The following TEX2 variants were observed in gnomAD, a reference collection of about 807,000 sequenced individuals.
The protein encoded by TEX2 is testis-expressed protein 2.
Under a neutral mutation model 106.9 loss-of-function variants are expected in TEX2, and 53 were observed. That is an observed-to-expected ratio of 0.50 (90% CI 0.40 to 0.62). The LOEUF (loss-of-function observed/expected upper bound fraction) is 0.62, where lower values mean the gene tolerates loss of function less well. Ranked by LOEUF, TEX2 falls within the 20% of genes least tolerant of loss-of-function variation. TEX2 has a pLI of 0.00. For synonymous variants in TEX2, 523 were observed against 534.8 expected, an observed-to-expected ratio of 0.98 and a Z score of 0.30; for missense variants, 1,207 against 1,379.0, an observed-to-expected ratio of 0.88 and a Z score of 1.98.
chr17:64,236,382 G>A (rs1555635134), intron 1 of TEX2, among the ~76,000 whole-genome samples: 2 of 152,066 alleles, frequency 1.3e-5, no homozygotes, highest in Admixed American at 6.6e-5. Flanking sequence ...TGAGCAACAC[G>A]GTGAGACCCC....
intron 2 of TEX2, among the ~76,000 whole-genome samples, chr17:64,211,836 C>T (rs1259030819): frequency 6.6e-6 from 1 of 151,940 alleles, no homozygotes; most frequent in Non-Finnish European, 1.5e-5. Flanking sequence ...TTTTAATATG[C>T]AAAAAAATAA....
At chr17:64,212,535 G>A (rs781862707) in intron 2 of TEX2, 39 bp downstream of exon 2, 38 of 1,521,730 alleles carry the variant, frequency 2.5e-5, no homozygotes, top group Non-Finnish European at 3.4e-5. Flanking sequence ...CTGTATGTGA[G>A]AAGTGTGTGT....
At chr17:64,202,217 T>C (rs900482813) in intron 2 of TEX2, among the ~76,000 whole-genome samples, 22 of 152,332 alleles carry the variant, frequency 1.4e-4, no homozygotes, top group African/African-American at 5.3e-4. Context: ...AGCCCATGTT[T>C]CCTGCCCCCT....
At position 64,212,879 on chromosome 17, in the gene TEX2, C is replaced by G. The variant is rs2033051008; in HGVS notation, c.1339G>C (p.Glu447Gln). 6.2e-7 allele frequency: 1 copy of G among 1,614,068 alleles called. No individual in the cohort carries two copies. Among genetic ancestry groups the G allele is most frequent in the Admixed American group, 1.7e-5 (1 of 60,002 alleles). ...ACCACACCATCTTCCGCGAGCACCT[C>G]TGGCTTGAGAGGAATATCTGAGAGC... ...DKLSDIPLKPEVLAEDGVVLD... is the reference protein window; with the variant it reads ...DKLSDIPLKPQVLAEDGVVLD... Residue 447 changes from glutamate (E) to glutamine (Q), a missense_variant, in exon 2 of 12, where the codon GAG (glutamate) becomes CAG (glutamine). By Grantham distance (29) the Glu-to-Gln change is conservative. Around this residue, in one of 3 missense-constraint regions of TEX2, gnomAD observed 1,067 missense variants for 1,193.6 expected, o/e 0.89. Transcript: ENST00000584379.
rs1024184836 is a variant in TEX2 at position 64,185,216 on chromosome 17, T to C, written c.2424+2952A>G. Among the ~76,000 whole-genome samples the C allele has an allele frequency of 6.6e-6, 1 of 152,198 alleles. No homozygotes were observed. The highest frequency in any genetic ancestry group is 1.5e-5 in the Non-Finnish European group (1 of 68,036). On this transcript the variant is annotated intron_variant, in intron 5 of 11. Coordinates refer to ENST00000584379, the MANE Select transcript of TEX2 (RefSeq NM_001288732.2). The surrounding 1 kb of genome is among the most constrained non-coding windows in gnomAD (Gnocchi z 4.0). Reference sequence around the variant, plus strand: ...CATATGTTAATATTATCTCTAACATTTTTTAAAACTGTCTGTTGAAATGGA... The same window carrying C: ...CATATGTTAATATTATCTCTAACATCTTTTAAAACTGTCTGTTGAAATGGA...
intron 1 of TEX2, among the ~76,000 whole-genome samples, chr17:64,260,618 C>T (rs2034272793): frequency 6.6e-6 from 1 of 152,224 alleles, no homozygotes; most frequent in South Asian, 2.1e-4. Flanking sequence ...CATTAGAGGG[C>T]TGCTCTAGGA....
chr17:64,243,031 C>T (rs1216911361), intron 1 of TEX2, among the ~76,000 whole-genome samples: 1 of 151,842 alleles, frequency 6.6e-6, no homozygotes, highest in Non-Finnish European at 1.5e-5. Context: ...CAGGTTCAAG[C>T]GATTCTTCTG....
At chr17:64,172,889 T>A (rs1327730784) in intron 6 of TEX2, among the ~76,000 whole-genome samples, 1 of 152,360 alleles carries the variant, frequency 6.6e-6, no homozygotes, top group East Asian at 1.9e-4. Context: ...ACTGGCATCA[T>A]GTTTAAAAAT....
At chr17:64,184,938 CA>C (rs2032020229) in intron 5 of TEX2, among the ~76,000 whole-genome samples, 1 of 152,090 alleles carries the variant, frequency 6.6e-6, no homozygotes, top group Non-Finnish European at 1.5e-5. Context: ...TAACTTAGTG[CA>C]ACAAAAACAT....
intron 1 of TEX2, among the ~76,000 whole-genome samples, chr17:64,219,507 T>TA (rs1567951413): frequency 2.9e-5 from 4 of 135,652 alleles, no homozygotes; most frequent in African/African-American, 1.1e-4. Context: ...CTCCATCTCA[T>TA]CAAATAAAAT....
At position 64,153,290 on chromosome 17, in the gene TEX2, G is replaced by T; in HGVS notation, c.2931-136C>A. 1.5e-6 allele frequency: 1 copy of T among 663,340 alleles called. No individual in the cohort carries two copies. The allele number at this position is 663,340 out of a possible 1,614,324, so 41.1% of individuals were successfully genotyped here. A position where few individuals can be genotyped will look rare whatever the true frequency, so the allele number is the denominator to read the frequency against. On this transcript the variant is annotated intron_variant, in intron 9 of 11. Coordinates refer to ENST00000584379, the MANE Select transcript of TEX2 (RefSeq NM_001288732.2). This position sits in a 1 kb window ranked among gnomAD's most constrained non-coding sequence, Gnocchi z 4.1. ...TGTGGTGATTCTGTGTTGGGGCGGG[G>T]GGCATCCTGTGCATTGCAGGGTGTT... is the stretch of plus-strand genomic sequence containing the variant.
chr17:64,161,969 C>T (rs187794113), intron 7 of TEX2, among the ~76,000 whole-genome samples: 24 of 152,290 alleles, frequency 1.6e-4, no homozygotes, highest in Non-Finnish European at 2.6e-4. Flanking sequence ...ATCCCCTACA[C>T]GGCCACCACC....
intron 5 of TEX2, among the ~76,000 whole-genome samples, chr17:64,181,565 T>G (rs900297444): frequency 6.6e-6 from 1 of 151,240 alleles, no homozygotes; most frequent in Non-Finnish European, 1.5e-5. Context: ...TCGCCCAGGC[T>G]GGAGTGCAGT....
At chr17:64,156,039 G>C (rs1389658099) in intron 8 of TEX2, 13 of 152,338 alleles carry the variant, frequency 8.5e-5, no homozygotes, top group Admixed American at 8.5e-4. Context: ...ATGGACAAGG[G>C]AAGGCAGTGG....
chr17:64,163,129 C>G (rs960176032), intron 7 of TEX2, among the ~76,000 whole-genome samples: 1 of 152,008 alleles, frequency 6.6e-6, no homozygotes, highest in African/African-American at 2.4e-5. Context: ...GCTTTAAGAA[C>G]TTTTTTCTTC....
At position 64,213,440 on chromosome 17, in the gene TEX2, A is replaced by C; in HGVS notation, c.778T>G (p.Ser260Ala). The C allele has an allele frequency of 6.2e-7, 1 of 1,614,094 alleles. No individual in the cohort carries two copies. Among genetic ancestry groups the C allele is most frequent in the Non-Finnish European group, 8.5e-7 (1 of 1,180,028 alleles). ...AGTGGGGAAGAAGGTGCAGTTTTGG[A>C]ATCTCCACCTGTGTTTCGGGGCTGT... ...FTQPRNTGGD[S>A]KTAPSSPLTS... The change falls in exon 2 of 12, where the codon TCC (serine) becomes GCC (alanine). Residue 260 changes from serine (S) to alanine (A), a missense_variant. This residue lies in a region of TEX2 where 1,067 missense variants were observed against 1,193.6 expected (regional missense o/e 0.89). Transcript: ENST00000584379. The surrounding 1 kb of genome is among the most constrained non-coding windows in gnomAD (Gnocchi z 4.4).
rs900809257 is a variant in TEX2 at position 64,148,906 on chromosome 17, G to A, written c.*63C>T. 5 of 1,604,098 alleles carry A rather than the reference G, an allele frequency of 3.1e-6. No individual in the cohort carries two copies. The highest frequency in any genetic ancestry group is 2.0e-4 in the Middle Eastern group (1 of 5,062). On this transcript the variant is annotated 3_prime_UTR_variant, in exon 12 of 12. Transcript: ENST00000584379. ...AGAGGCCAGTGCTACAGTACAGATG[G>A]CGGCCAAGAACCCCACACATCCAGC...
chr17:64,198,460 A>G (rs1567935429), intron 2 of TEX2, among the ~76,000 whole-genome samples: 1 of 151,808 alleles, frequency 6.6e-6, no homozygotes, highest in Non-Finnish European at 1.5e-5. Flanking sequence ...GGCGGGGGGA[A>G]GTTGGAGCTG....
At chr17:64,190,184 T>C (rs2032242709) in intron 4 of TEX2, among the ~76,000 whole-genome samples, 1 of 152,188 alleles carries the variant, frequency 6.6e-6, no homozygotes, top group South Asian at 2.1e-4. Flanking sequence ...TAAAAATACA[T>C]TTTTGTAACT....
Sources: allele counts gnomAD v4.1 joint callset (sites outside exome capture counted in the v4.1 genomes callset), GRCh38; gene constraint gnomAD v4.1.1; regional missense constraint gnomAD v4.1.1; non-coding constraint Gnocchi (gnomAD v3.1); transcripts MANE v1.5; gene names NCBI Gene and HGNC (gene_info 2026-07-23, HGNC 2026-07-21).